Variants in ADCY8 observed in about 807,000 individuals in gnomAD.
ADCY8 encodes the protein adenylate cyclase 8, also known as adenylate cyclase type 8.
Under a neutral mutation model 119.7 loss-of-function variants are expected in ADCY8, and 51 were observed. That is an observed-to-expected ratio of 0.43 (90% CI 0.34 to 0.54). The LOEUF is 0.54. ADCY8 is among the 20% of genes least tolerant of loss of function. The pLI, the probability that ADCY8 is intolerant of heterozygous loss-of-function variation, is 0.03. For missense variants in ADCY8, 1,383 were observed against 1,598.8 expected (o/e 0.87, Z 2.30); for synonymous variants, 665 against 651.0 (o/e 1.02, Z -0.33).
intron 1 of ADCY8, among the ~76,000 whole-genome samples, chr8:131,031,848 AT>A (rs543381624): frequency 2.6e-4 from 39 of 149,980 alleles, no homozygotes; most frequent in African/African-American, 5.1e-4. Context: ...GTTCTGTTAG[AT>A]TTTTTTTTTG....
At chr8:130,850,660 G>GAA (rs1454450516) in intron 9 of ADCY8, among the ~76,000 whole-genome samples, 3 of 152,106 alleles carry the variant, frequency 2.0e-5, no homozygotes, top group Non-Finnish European at 4.4e-5. Flanking sequence ...GAAGTGGAGG[G>GAA]AAATTTTATA....
intron 1 of ADCY8, 112 bp downstream of exon 1, chr8:131,039,262 A>G: frequency 6.9e-7 from 1 of 1,448,604 alleles, no homozygotes; most frequent in Non-Finnish European, 9.4e-7. Context: ...ACTGTGCCAG[A>G]CTGAAGGCGG....
At chr8:130,820,583 C>G (rs1816477579) in intron 13 of ADCY8, among the ~76,000 whole-genome samples, 1 of 152,186 alleles carries the variant, frequency 6.6e-6, no homozygotes, top group Admixed American at 6.5e-5. Context: ...GAATAATTTT[C>G]TTTCTCGAAG....
chr8:130,988,072 A>G (rs1484827798), intron 2 of ADCY8, among the ~76,000 whole-genome samples: 1 of 152,236 alleles, frequency 6.6e-6, no homozygotes, highest in African/African-American at 2.4e-5. Flanking sequence ...TTGATGGGCA[A>G]ACTAAGACTC....
chr8:130,920,907 A>C (rs1586572232), intron 5 of ADCY8, among the ~76,000 whole-genome samples: 1 of 151,988 alleles, frequency 6.6e-6, no homozygotes, highest in Non-Finnish European at 1.5e-5. Flanking sequence ...TACAATATCA[A>C]CTCTTCCCTG....
intron 10 of ADCY8, among the ~76,000 whole-genome samples, chr8:130,848,700 C>A (rs1817414119): frequency 1.3e-5 from 2 of 152,190 alleles, no homozygotes; most frequent in African/African-American, 4.8e-5. Context: ...TAGCCTCTCT[C>A]AACAAGCCAA....
intron 3 of ADCY8, among the ~76,000 whole-genome samples, chr8:130,948,888 G>C (rs1821187852): frequency 6.6e-6 from 1 of 152,016 alleles, no homozygotes; most frequent in African/African-American, 2.4e-5. Flanking sequence ...CCTCGCAGTG[G>C]GCAGGAGACG....
chr8:130,796,062 T>G (rs760497416), intron 15 of ADCY8, among the ~76,000 whole-genome samples: 1 of 152,200 alleles, frequency 6.6e-6, no homozygotes, highest in Non-Finnish European at 1.5e-5. Flanking sequence ...TCCCTCCCTC[T>G]GCCTCCCTGT....
chr8:130,872,957 A>G (rs1818420273), intron 8 of ADCY8, among the ~76,000 whole-genome samples: 2 of 152,248 alleles, frequency 1.3e-5, no homozygotes, highest in South Asian at 4.1e-4. Context: ...CATATTCAGA[A>G]ATGAAATCAT....
At chr8:130,952,342 A>T (rs1821299780) in intron 2 of ADCY8, among the ~76,000 whole-genome samples, 1 of 152,362 alleles carries the variant, frequency 6.6e-6, no homozygotes, top group South Asian at 2.1e-4. Context: ...ATGAGAGAGT[A>T]CAATGGTTGA....
Position 130,814,127 on chromosome 8 carries a change from C to T in ADCY8, c.2855G>A (p.Arg952Gln), listed in dbSNP as rs183246609. The T allele has an allele frequency of 5.8e-5, 94 of 1,614,112 alleles. 1 individual carries two copies. Among genetic ancestry groups the T allele is most frequent in the South Asian group, 2.4e-4 (22 of 91,066 alleles). Residue 952 changes from arginine (R) to glutamine (Q), a missense_variant, in exon 14 of 18, where the codon CGG (arginine) becomes CAG (glutamine). Physicochemically the swap from Arg to Gln is conservative, Grantham distance 43. Coordinates refer to ENST00000286355, the MANE Select transcript of ADCY8 (RefSeq NM_001115.3). ...ELREHNENML[R>Q]NILPSHVARH... The stretch of plus-strand genomic sequence containing the variant: ...GGCCACATGGCTGGGTAAGATATTC[C>T]GGAGCATGTTCTCATTGTGTTCCCT...
intron 8 of ADCY8, among the ~76,000 whole-genome samples, chr8:130,873,749 T>A (rs1818451460): frequency 6.6e-6 from 1 of 152,192 alleles, no homozygotes; most frequent in Non-Finnish European, 1.5e-5. Context: ...AGGTATAAGC[T>A]GTTAACTCCT....
chr8:131,027,697 G>A lies in ADCY8; in HGVS notation c.960+11677C>T, dbSNP rs116630988. Among the ~76,000 whole-genome samples the A allele has an allele frequency of 9.5e-3, 1,454 of 152,304 alleles. 19 individuals carry two copies. The highest frequency in any genetic ancestry group is 0.032 in the African/African-American group (1,346 of 41,554). ...AGGTCTCCAGATTGCCAGGTCTTAAGCTTAGCAGATAAAACTGGGGTAGAG... is the reference window on the plus strand; with the variant it reads ...AGGTCTCCAGATTGCCAGGTCTTAAACTTAGCAGATAAAACTGGGGTAGAG... On this transcript the variant is annotated intron_variant, in intron 1 of 17. Coordinates refer to ENST00000286355, the MANE Select transcript of ADCY8 (RefSeq NM_001115.3).
At position 130,826,556 on chromosome 8, in the gene ADCY8, A is replaced by C. The variant is rs144650538; in HGVS notation, c.2676-5136T>G. Among the ~76,000 whole-genome samples, 1,134 of 152,286 alleles carry C rather than the reference A, an allele frequency of 7.4e-3. 16 individuals are homozygous for C. The highest frequency in any genetic ancestry group is 0.026 in the African/African-American group (1,070 of 41,546). Reference sequence around the variant, plus strand: ...TTCTAACTCATTCTCATTCATGAGAATGGTAGTACATTTTATGTCTCATCT... The same window carrying C: ...TTCTAACTCATTCTCATTCATGAGACTGGTAGTACATTTTATGTCTCATCT... On this transcript the variant is annotated intron_variant, in intron 12 of 17. Transcript: ENST00000286355.
intron 7 of ADCY8, among the ~76,000 whole-genome samples, chr8:130,891,258 G>A (rs539050306): frequency 1.1e-4 from 17 of 152,162 alleles, no homozygotes; most frequent in South Asian, 6.2e-4. Flanking sequence ...CAGTTCTTAT[G>A]AACTTCCTAT....
At chr8:130,788,977 C>T (rs1815342060) in intron 15 of ADCY8, among the ~76,000 whole-genome samples, 1 of 151,938 alleles carries the variant, frequency 6.6e-6, no homozygotes, top group African/African-American at 2.4e-5. Context: ...TGCAGAGTAA[C>T]CTATTGTAAT....
chr8:130,814,934 C>T (rs1268180293), intron 13 of ADCY8, among the ~76,000 whole-genome samples: 1 of 152,204 alleles, frequency 6.6e-6, no homozygotes, highest in Non-Finnish European at 1.5e-5. Context: ...CTGTTACAGA[C>T]TGAATGTCTG....
At chr8:130,879,534 C>A (rs1818691861) in intron 8 of ADCY8, among the ~76,000 whole-genome samples, 1 of 152,148 alleles carries the variant, frequency 6.6e-6, no homozygotes, top group African/African-American at 2.4e-5. Flanking sequence ...TTTTTGAGGG[C>A]AACTTCAAAA....
chr8:130,867,792 A>C, intron 9 of ADCY8, 54 bp downstream of exon 9: 2 of 1,326,290 alleles, frequency 1.5e-6, no homozygotes, highest in Non-Finnish European at 2.1e-6. Context: ...CTGACTCCAC[A>C]TGAGGAATCT....
Sources: allele counts gnomAD v4.1 joint callset (sites outside exome capture counted in the v4.1 genomes callset), GRCh38; gene constraint gnomAD v4.1.1; transcripts MANE v1.5; gene names NCBI Gene and HGNC (gene_info 2026-07-23, HGNC 2026-07-21).